Variants in DCC observed in about 807,000 individuals in gnomAD.
The protein encoded by DCC is DCC netrin 1 receptor, also known as netrin receptor DCC.
Under a neutral mutation model 172.5 loss-of-function variants are expected in DCC, and 58 were observed. The observed-to-expected ratio is 0.34, with a 90% CI of 0.27 to 0.42. The LOEUF (loss-of-function observed/expected upper bound fraction) is 0.42. Among genes scored for constraint, DCC ranks in the 10% least tolerant of loss-of-function variants. The probability of loss-of-function intolerance (pLI) is 1.00; values close to 1 mark genes in which losing one functional copy is unlikely to be tolerated. For missense variants in DCC, 1,740 were observed against 1,791.0 expected, an observed-to-expected ratio of 0.97 and a Z score of 0.51; for synonymous variants, 709 against 644.5, an observed-to-expected ratio of 1.10 and a Z score of -1.52.
chr18:53,086,585 C>CCTTCTTCTTCTTCTTCTTCTT (rs755034828), intron 7 of DCC, among the ~76,000 whole-genome samples: 1 of 35,150 alleles, frequency 2.8e-5, no homozygotes, highest in East Asian at 3.8e-4. Flanking sequence ...TCTTCTTCTT[C>CCTTCTTCTTCTTCTTCTTCTT]CTTCTTCTTC....
chr18:52,638,023 A>T (rs34859764), intron 1 of DCC, among the ~76,000 whole-genome samples: 19,195 of 152,226 alleles, frequency 0.13, 1,321 homozygotes, highest in Middle Eastern at 0.2. Context: ...CAGCCTCCTC[A>T]AACAAAACAA....
At chr18:53,038,104 G>A (rs1014924986) in intron 5 of DCC, among the ~76,000 whole-genome samples, 1 of 151,938 alleles carries the variant, frequency 6.6e-6, no homozygotes, top group Non-Finnish European at 1.5e-5. Flanking sequence ...ATTTATTCAT[G>A]TATTCATTTA....
At chr18:53,247,582 GT>G (rs58322888) in intron 12 of DCC, among the ~76,000 whole-genome samples, 3 of 151,876 alleles carry the variant, frequency 2.0e-5, no homozygotes, top group Non-Finnish European at 4.4e-5. Flanking sequence ...TTGTTTATTT[GT>G]TTAGAGTGTA....
At chr18:53,051,074 A>G (rs1599071079) in intron 5 of DCC, among the ~76,000 whole-genome samples, 1 of 152,206 alleles carries the variant, frequency 6.6e-6, no homozygotes, top group East Asian at 1.9e-4. Context: ...AAAACAAAAT[A>G]AATACATTTG....
rs1049140380 is a variant in DCC at position 53,452,979 on chromosome 18, A to G, written c.3392+2317A>G. 3.3e-5 allele frequency among the ~76,000 whole-genome samples: 5 copies of G among 152,070 alleles called. No homozygotes were observed. In the East Asian group the frequency reaches 5.8e-4, roughly 18 times the overall value. On this transcript the variant is annotated intron_variant, in intron 23 of 28. Transcript: ENST00000442544. ...TGCCCAGGCTGGAGTGCAGTGGTGC[A>G]ATCTCAGCTCACTGCAACCTCTGCC...
chr18:53,144,815 C>T (rs1373008238), intron 7 of DCC, among the ~76,000 whole-genome samples: 2 of 152,006 alleles, frequency 1.3e-5, no homozygotes, highest in African/African-American at 2.4e-5. Flanking sequence ...GCATTATCCA[C>T]TGTATTTGTG....
chr18:53,172,733 C>T (rs1420967324), intron 8 of DCC, among the ~76,000 whole-genome samples: 1 of 152,050 alleles, frequency 6.6e-6, no homozygotes, highest in Non-Finnish European at 1.5e-5. Context: ...TCAGCAGTCT[C>T]TGAGTGCTCA....
chr18:53,484,401 A>ATTAT (rs1468405633), intron 25 of DCC, among the ~76,000 whole-genome samples: 1 of 150,776 alleles, frequency 6.6e-6, no homozygotes, highest in Non-Finnish European at 1.5e-5. Flanking sequence ...TCTTTTGGTG[A>ATTAT]TTATTTCCTT....
chr18:53,140,047 T>A (rs1026890780), intron 7 of DCC, among the ~76,000 whole-genome samples: 2 of 152,208 alleles, frequency 1.3e-5, no homozygotes, highest in Non-Finnish European at 2.9e-5. Flanking sequence ...AATGATCAGA[T>A]GAATAGATAG....
chr18:53,242,486 A>C (rs1432355207), intron 12 of DCC, among the ~76,000 whole-genome samples: 1 of 152,150 alleles, frequency 6.6e-6, no homozygotes, highest in African/African-American at 2.4e-5. Flanking sequence ...ATACAAAATG[A>C]CCTACTCAGT....
intron 2 of DCC, among the ~76,000 whole-genome samples, chr18:52,805,910 T>G (rs2038075849): frequency 6.6e-6 from 1 of 152,206 alleles, no homozygotes; most frequent in African/African-American, 2.4e-5. Flanking sequence ...TATTTGAAAG[T>G]CCACTTAAAT....
intron 5 of DCC, among the ~76,000 whole-genome samples, chr18:52,964,484 A>C (rs1057127307): frequency 2.6e-5 from 4 of 152,120 alleles, no homozygotes; most frequent in African/African-American, 4.8e-5. Context: ...TTTTTTAAAG[A>C]ATCATGGATT....
At chr18:53,300,410 G>C (rs2057118622) in intron 12 of DCC, among the ~76,000 whole-genome samples, 1 of 152,050 alleles carries the variant, frequency 6.6e-6, no homozygotes, top group African/African-American at 2.4e-5. Context: ...CATGTTTTTT[G>C]TATTTCTGTG....
At chr18:52,963,014 G>A (rs180951186) in intron 5 of DCC, among the ~76,000 whole-genome samples, 29 of 150,982 alleles carry the variant, frequency 1.9e-4, no homozygotes, top group South Asian at 8.4e-4. Context: ...TAAATGACGA[G>A]TTGATGGGTG....
chr18:52,683,531 A>C (rs2035782447), intron 1 of DCC, among the ~76,000 whole-genome samples: 1 of 152,096 alleles, frequency 6.6e-6, no homozygotes, highest in East Asian at 1.9e-4. Context: ...CTCAACTGAC[A>C]AAAAGTCTAT....
chr18:53,182,813 T>G (rs1004007962), intron 9 of DCC, among the ~76,000 whole-genome samples: 2 of 152,232 alleles, frequency 1.3e-5, no homozygotes, highest in Non-Finnish European at 2.9e-5. Flanking sequence ...CATTCCTTCC[T>G]CCCTTCCTCC....
chr18:53,490,392 G>A (rs529588199), intron 26 of DCC, among the ~76,000 whole-genome samples: 2 of 152,226 alleles, frequency 1.3e-5, no homozygotes, highest in Admixed American at 6.5e-5. Context: ...TTTTTATATA[G>A]AAGAAAATTC....
intron 5 of DCC, among the ~76,000 whole-genome samples, chr18:52,964,820 G>A (rs545825758): frequency 1.1e-4 from 16 of 152,104 alleles, no homozygotes; most frequent in Admixed American, 7.9e-4. Flanking sequence ...AGAAATCAGC[G>A]CGTTGGCAAG....
intron 7 of DCC, among the ~76,000 whole-genome samples, chr18:53,073,674 T>G (rs2042686257): frequency 6.6e-6 from 1 of 152,054 alleles, no homozygotes; most frequent in Non-Finnish European, 1.5e-5. Flanking sequence ...CATTATCAAT[T>G]ATCTGTCCTC....
Sources: gnomAD v4.1 joint callset for allele counts (sites outside exome capture counted in the v4.1 genomes callset) on GRCh38, gnomAD v4.1.1 for gene constraint, MANE v1.5 for transcripts, NCBI Gene and HGNC (gene_info 2026-07-23, HGNC 2026-07-21) for gene names.